UBXN2A: variants seen among roughly 807,000 people sequenced by gnomAD.
UBXN2A encodes UBX domain-containing protein 2A.
A neutral mutation model predicts 28.4 loss-of-function variants in UBXN2A; 28 were observed. The ratio of observed to expected loss-of-function variants is 0.99; its 90% CI spans 0.73 to 1.35. The LOEUF is 1.35. UBXN2A is among the 40% of genes most tolerant of loss of function. The pLI is 0.00. For missense variants in UBXN2A, 253 were observed against 297.9 expected (o/e 0.85, Z 1.11); for synonymous variants, 97 against 103.6 (o/e 0.94, Z 0.39).
upstream of UBXN2A, among the ~76,000 whole-genome samples, chr2:23,937,695 G>T (rs1705568858): frequency 6.6e-6 from 1 of 152,168 alleles, no homozygotes; most frequent in African/African-American, 2.4e-5. Flanking sequence ...TTTAACCAAA[G>T]AGGTACGAGA....
intron 2 of UBXN2A, among the ~76,000 whole-genome samples, chr2:23,960,791 C>T (rs1248765770): frequency 6.6e-6 from 1 of 152,028 alleles, no homozygotes; most frequent in Non-Finnish European, 1.5e-5. Context: ...CACCACCATG[C>T]TCAGCTAAGT....
chr2:23,935,875 C>T (rs573879099), upstream of UBXN2A, among the ~76,000 whole-genome samples: 3 of 152,182 alleles, frequency 2.0e-5, no homozygotes, highest in Non-Finnish European at 2.9e-5. Flanking sequence ...CATGGCGAAA[C>T]CCCATCTCTA....
At chr2:23,964,155 G>A (rs1367927978) in intron 2 of UBXN2A, among the ~76,000 whole-genome samples, 6 of 149,962 alleles carry the variant, frequency 4.0e-5, no homozygotes, top group East Asian at 3.9e-4. Flanking sequence ...AAAAAATCTC[G>A]AAAAGAGATG....
chr2:23,978,359 A>G (rs1490332408), intron 4 of UBXN2A, among the ~76,000 whole-genome samples: 1 of 152,112 alleles, frequency 6.6e-6, no homozygotes. Context: ...TTTTAAAAGA[A>G]TCTGCCGGGC....
chr2:23,943,587 A>G (rs1287787964), intron 1 of UBXN2A, among the ~76,000 whole-genome samples: 1 of 152,120 alleles, frequency 6.6e-6, no homozygotes, highest in African/African-American at 2.4e-5. Context: ...TCCTGGGTTC[A>G]AGCAATTCTC....
chr2:24,002,249 A>G lies in UBXN2A; in HGVS notation c.*2382A>G, dbSNP rs1193012232. On this transcript the variant is annotated 3_prime_UTR_variant, in exon 7 of 7. Coordinates refer to ENST00000309033, the MANE Select transcript of UBXN2A (RefSeq NM_181713.4). ...GTGAAACCATGTCTGTACTAAAAATACAAAAATTAGCCTGGTGTGGTGGCA... is the reference window on the plus strand; with the variant it reads ...GTGAAACCATGTCTGTACTAAAAATGCAAAAATTAGCCTGGTGTGGTGGCA... The G allele has an allele frequency of 6.6e-6, 1 of 151,822 alleles. No homozygotes were observed. Among genetic ancestry groups the G allele is most frequent in the African/African-American group, 2.4e-5 (1 of 41,344 alleles). 9.4% of individuals were successfully genotyped at this position (151,822 alleles called of 1,614,324 possible).
chr2:23,938,349 C>T (rs1705597163), upstream of UBXN2A, among the ~76,000 whole-genome samples: 1 of 151,970 alleles, frequency 6.6e-6, no homozygotes, highest in African/African-American at 2.4e-5. Flanking sequence ...GCCTATAATC[C>T]CAGCTACTTG....
chr2:23,986,650 C>G lies in UBXN2A; in HGVS notation c.584+1819C>G, dbSNP rs114968554. On this transcript the variant is annotated intron_variant, in intron 6 of 6. Coordinates refer to ENST00000309033, the MANE Select transcript of UBXN2A (RefSeq NM_181713.4). ...TTTTGAGACGGGGTCTTCTGCCACC[C>G]AGGCTGGAGTGCAGTGGCACGATCT... is the stretch of plus-strand genomic sequence containing the variant. Among the ~76,000 whole-genome samples, 549 of 151,284 alleles carry G rather than the reference C, an allele frequency of 3.6e-3. 3 individuals are homozygous for G. The highest frequency in any genetic ancestry group is 0.013 in the African/African-American group (532 of 41,198).
At chr2:23,988,504 A>G (rs768516129) in intron 6 of UBXN2A, among the ~76,000 whole-genome samples, 1 of 152,144 alleles carries the variant, frequency 6.6e-6, no homozygotes, top group Non-Finnish European at 1.5e-5. Context: ...TCATGATTAT[A>G]TTTAGGTCAC....
chr2:23,978,845 C>T (rs138285525), intron 4 of UBXN2A, among the ~76,000 whole-genome samples: 1,628 of 151,414 alleles, frequency 0.011, 18 homozygotes, highest in Middle Eastern at 0.038. Flanking sequence ...GCCTGTTAGT[C>T]GCAGCTACTT....
intron 1 of UBXN2A, among the ~76,000 whole-genome samples, chr2:23,929,765 G>A (rs1229803816): frequency 6.6e-6 from 1 of 152,166 alleles, no homozygotes; most frequent in Admixed American, 6.5e-5. Context: ...TGTGTGGTAT[G>A]CAAATTATAT....
rs772354852 is a variant in UBXN2A, at chr2:23,999,861, G to A, written c.774G>A (p.Glu258=). 6.2e-7 allele frequency: 1 copy of A among 1,610,096 alleles called. No homozygotes were observed. The highest frequency in any genetic ancestry group is 8.5e-7 in the Non-Finnish European group (1 of 1,178,492). ...QKTASFRELS[E]H The stretch of plus-strand genomic sequence containing the variant: ...CTGCATCTTTTAGAGAACTTTCAGA[G>A]CACTGATTTTTGATAGACTAAGTGG... The change falls in exon 7 of 7, where the codon GAG becomes GAA. Residue 258 remains glutamate, a synonymous_variant. Transcript: ENST00000309033.
intron 3 of UBXN2A, 77 bp from the exon 4 acceptor site, chr2:23,976,892 A>G: frequency 7.9e-7 from 1 of 1,263,824 alleles, no homozygotes; most frequent in Admixed American, 1.8e-5. Context: ...GAATAGTGAT[A>G]GAAGAAATTT....
chr2:23,946,353 A>C (rs1479757386), intron 1 of UBXN2A, among the ~76,000 whole-genome samples: 5 of 137,820 alleles, frequency 3.6e-5, no homozygotes, highest in Non-Finnish European at 4.7e-5. Flanking sequence ...TTTTTTACTC[A>C]CTCTGTCACC....
At chr2:23,934,836 G>C (rs900852822) in intron 1 of UBXN2A, among the ~76,000 whole-genome samples, 10 of 152,148 alleles carry the variant, frequency 6.6e-5, no homozygotes, top group Admixed American at 5.2e-4. Context: ...CACTTTGGGA[G>C]CCCAAGGTGG....
chr2:23,976,955 C>T lies in UBXN2A; in HGVS notation c.181-14C>T, dbSNP rs1707690825. On this transcript the variant is annotated splice_polypyrimidine_tract_variant and intron_variant, in intron 3 of 6. Transcript: ENST00000309033. ...TTATTAACATGACGCATTTTGTTTC[C>T]TACTGTTTTGCAGGTAGATGTAAAT... 1.9e-6 allele frequency: 3 copies of T among 1,589,716 alleles called. No homozygotes were observed.
At chr2:23,994,788 T>TA (rs1558309277) in intron 6 of UBXN2A, among the ~76,000 whole-genome samples, 1 of 152,256 alleles carries the variant, frequency 6.6e-6, no homozygotes, top group African/African-American at 2.4e-5. Context: ...CCTCCAAAGA[T>TA]ACCTATGCTT....
chr2:23,956,081 C>A (rs970498499), intron 1 of UBXN2A, among the ~76,000 whole-genome samples: 3 of 151,870 alleles, frequency 2.0e-5, no homozygotes, highest in African/African-American at 7.3e-5. Flanking sequence ...ACAGGCTGGT[C>A]TCGAACTCCT....
At position 24,003,443 on chromosome 2, in the gene UBXN2A, T is replaced by C. The variant is rs917085267; in HGVS notation, c.*3576T>C. On this transcript the variant is annotated 3_prime_UTR_variant, in exon 7 of 7. Transcript: ENST00000309033. ...AAGGTTTTTACTAAGGACTCAGGAA[T>C]AACAACAGGGAAATATCTATGTAAC... is the stretch of plus-strand genomic sequence containing the variant. 3.4e-4 allele frequency: 51 copies of C among 152,126 alleles called. No individual in the cohort carries two copies. The highest frequency in any genetic ancestry group is 1.2e-3 in the African/African-American group (51 of 41,422). 9.4% of individuals were successfully genotyped at this position (152,126 alleles called of 1,614,324 possible). A position where few individuals can be genotyped will look rare whatever the true frequency, so the allele number is the denominator to read the frequency against.
Sources: allele counts gnomAD v4.1 joint callset (sites outside exome capture counted in the v4.1 genomes callset), GRCh38; gene constraint gnomAD v4.1.1; transcripts MANE v1.5; gene names NCBI Gene and HGNC (gene_info 2026-07-23, HGNC 2026-07-21).